Variants in FRMPD4 observed in about 807,000 individuals in gnomAD.
FRMPD4 encodes the protein FERM and PDZ domain containing 4, also known as FERM and PDZ domain-containing protein 4.
FRMPD4 carries 22 observed loss-of-function variants against 94.1 expected under a neutral mutation model. That is an observed-to-expected ratio of 0.23 (90% CI 0.17 to 0.33). The LOEUF is 0.33. FRMPD4 is among the 10% of genes least tolerant of loss of function. The pLI is 1.00. For synonymous variants in FRMPD4, 631 were observed against 548.6 expected, an observed-to-expected ratio of 1.15 and a Z score of -2.10; for missense variants, 1,111 against 1,339.9, an observed-to-expected ratio of 0.83 and a Z score of 2.67.
At chrX:12,059,781 C>T (rs1479891797) in intron 3 of FRMPD4, among the ~76,000 whole-genome samples, 1 of 111,463 alleles carries the variant, frequency 9.0e-6, no homozygotes, top group Non-Finnish European at 1.9e-5. Context: ...CTGCAAAGAA[C>T]ATGATTTTGT....
intron 1 of FRMPD4, among the ~76,000 whole-genome samples, chrX:12,454,532 G>GT (rs372494339): frequency 0.017 from 1,707 of 97,547 alleles, 42 homozygotes; most frequent in African/African-American, 0.054. Flanking sequence ...TTGCTGGAGG[G>GT]TTTTTTTTTT....
intron 6 of FRMPD4, 140 bp downstream of exon 6, chrX:12,683,727 A>G: frequency 2.4e-6 from 1 of 419,744 alleles, no homozygotes; most frequent in East Asian, 4.1e-5. Context: ...TCAAATCTCA[A>G]GGTTGTAAAG....
chrX:12,573,349 C>G (rs758576818), intron 2 of FRMPD4, among the ~76,000 whole-genome samples: 24 of 111,908 alleles, frequency 2.1e-4, no homozygotes, highest in African/African-American at 6.8e-4. Context: ...AATAGCTGCT[C>G]AAAAACTCTT....
intron 3 of FRMPD4, among the ~76,000 whole-genome samples, chrX:12,002,727 A>G (rs888936308): frequency 8.9e-6 from 1 of 112,010 alleles, no homozygotes; most frequent in Admixed American, 9.5e-5. Flanking sequence ...CCCTGTGTTT[A>G]TTCATTCATT....
At chrX:12,478,790 T>C (rs1305997177) in intron 1 of FRMPD4, among the ~76,000 whole-genome samples, 3 of 112,008 alleles carry the variant, frequency 2.7e-5, no homozygotes, top group African/African-American at 9.7e-5. Flanking sequence ...ATCTTTGAAA[T>C]GGGGATAGGA....
intron 13 of FRMPD4, among the ~76,000 whole-genome samples, chrX:12,708,698 T>C (rs963901510): frequency 3.6e-5 from 4 of 111,469 alleles, no homozygotes; most frequent in African/African-American, 1.3e-4. Flanking sequence ...GCCTGGAGGG[T>C]GCTCTGAAAA....
chrX:12,583,097 C>G (rs2058885369), intron 2 of FRMPD4, among the ~76,000 whole-genome samples: 1 of 111,967 alleles, frequency 8.9e-6, no homozygotes, highest in Non-Finnish European at 1.9e-5. Context: ...TTCTCTGAAT[C>G]TTCATTATGT....
At chrX:11,889,450 G>T (rs184948313) in intron 3 of FRMPD4, among the ~76,000 whole-genome samples, 1 of 112,194 alleles carries the variant, frequency 8.9e-6, no homozygotes, top group Admixed American at 9.5e-5. Flanking sequence ...TCTTCATTAA[G>T]AACTATATAA....
At chrX:12,719,475 C>T (rs1188030270) in intron 16 of FRMPD4, among the ~76,000 whole-genome samples, 3 of 112,566 alleles carry the variant, frequency 2.7e-5, no homozygotes, top group Non-Finnish European at 3.8e-5. Flanking sequence ...TTCCCCTCAC[C>T]GATCCACTTG....
intron 1 of FRMPD4, among the ~76,000 whole-genome samples, chrX:12,227,796 G>GA (rs762043803): frequency 9.5e-6 from 1 of 104,726 alleles, no homozygotes; most frequent in Non-Finnish European, 1.9e-5. Flanking sequence ...GTGAGACCCT[G>GA]TCTTAAAGAA....
At chrX:12,427,319 C>T (rs771741996) in intron 1 of FRMPD4, among the ~76,000 whole-genome samples, 24 of 111,036 alleles carry the variant, frequency 2.2e-4, no homozygotes, top group Non-Finnish European at 3.0e-4. Flanking sequence ...GGGAAAAAAA[C>T]AGTCTACCAA....
intron 3 of FRMPD4, among the ~76,000 whole-genome samples, chrX:12,066,524 A>G (rs1054465592): frequency 8.1e-5 from 9 of 111,780 alleles, no homozygotes; most frequent in South Asian, 3.7e-4. Context: ...CCTTTAAACA[A>G]CTTGAGTTCT....
intron 3 of FRMPD4, among the ~76,000 whole-genome samples, chrX:11,978,321 C>CAAAAAAAAAA (rs1172824155): frequency 6.1e-5 from 1 of 16,365 alleles, no homozygotes; most frequent in Non-Finnish European, 1.0e-4. Flanking sequence ...AACTCCATCT[C>CAAAAAAAAAA]AAAAAAAAAA....
At chrX:12,169,680 A>C (rs894222616) in intron 1 of FRMPD4, among the ~76,000 whole-genome samples, 3 of 112,300 alleles carry the variant, frequency 2.7e-5, no homozygotes, top group Admixed American at 9.4e-5. Context: ...ATTATAGTAA[A>C]AGTTTACCAA....
At chrX:12,677,821 G>A (rs1268876804) in intron 5 of FRMPD4, among the ~76,000 whole-genome samples, 1 of 111,644 alleles carries the variant, frequency 9.0e-6, no homozygotes, top group Admixed American at 9.6e-5. Context: ...GGGGGTGAGA[G>A]TCTTGGGATC....
At chrX:11,853,050 C>A (rs2053634286) in intron 1 of FRMPD4, among the ~76,000 whole-genome samples, 1 of 112,151 alleles carries the variant, frequency 8.9e-6, no homozygotes, top group Non-Finnish European at 1.9e-5. Flanking sequence ...TCATAACAGT[C>A]TCTCAGACCA....
At chrX:11,946,005 A>C (rs955190116) in intron 3 of FRMPD4, among the ~76,000 whole-genome samples, 3 of 112,125 alleles carry the variant, frequency 2.7e-5, no homozygotes. Flanking sequence ...CCTTCATAGA[A>C]AAGAATCAAA....
rs2056772020 is a variant in FRMPD4 at position 12,414,334 on chromosome X, G to C, written c.42-84346G>C. Reference sequence around the variant, plus strand: ...ATTACAGTTCAAAAGGTCTATCATTGATTCAACATGAAATTTCATTATATT... The same window carrying C: ...ATTACAGTTCAAAAGGTCTATCATTCATTCAACATGAAATTTCATTATATT... On this transcript the variant is annotated intron_variant, in intron 1 of 16. Coordinates refer to ENST00000675598, the MANE Select transcript of FRMPD4 (RefSeq NM_001368397.1). 3.6e-5 allele frequency among the ~76,000 whole-genome samples: 4 copies of C among 112,017 alleles called. No individual in the cohort carries two copies. The Admixed American group carries it at 3.8e-4, about 11-fold the overall frequency.
intron 2 of FRMPD4, among the ~76,000 whole-genome samples, chrX:11,876,617 G>A (rs2053787013): frequency 8.9e-6 from 1 of 111,850 alleles, no homozygotes; most frequent in African/African-American, 3.3e-5. Flanking sequence ...GGAGACTATA[G>A]CAATGAGAGG....
Sources: gnomAD v4.1 joint callset for allele counts (sites outside exome capture counted in the v4.1 genomes callset) on GRCh38, gnomAD v4.1.1 for gene constraint, MANE v1.5 for transcripts, NCBI Gene and HGNC (gene_info 2026-07-23, HGNC 2026-07-21) for gene names.